Variants in SEC14L1 observed in about 807,000 individuals in gnomAD.
SEC14L1 encodes SEC14 like lipid binding 1.
Under a neutral mutation model 85.3 loss-of-function variants are expected in SEC14L1, and 48 were observed. That is an observed-to-expected ratio of 0.56 (90% CI 0.45 to 0.72). The LOEUF is 0.72. Among genes scored for constraint, SEC14L1 ranks in the 30% least tolerant of loss-of-function variants. The pLI is 0.00. For synonymous variants in SEC14L1, 391 were observed against 355.5 expected (o/e 1.10, Z -1.12); for missense variants, 682 against 921.4 (o/e 0.74, Z 3.36).
chr17:77,154,948 A>T (rs1474177148), intron 3 of SEC14L1, among the ~76,000 whole-genome samples: 1 of 151,910 alleles, frequency 6.6e-6, no homozygotes, highest in African/African-American at 2.4e-5. Flanking sequence ...TAAGGTGCGG[A>T]TGGATTGTTT....
intron 3 of SEC14L1, among the ~76,000 whole-genome samples, chr17:77,116,542 G>T (rs1010053114): frequency 1.3e-5 from 2 of 152,106 alleles, no homozygotes; most frequent in Non-Finnish European, 1.5e-5. Flanking sequence ...TTGGGAGGAG[G>T]CACCTGCTCC....
chr17:77,211,791 T>C (rs974978672), intron 14 of SEC14L1, 159 bp from the exon 15 acceptor site: 34 of 873,044 alleles, frequency 3.9e-5, no homozygotes, highest in Admixed American at 1.6e-4. Flanking sequence ...TGGATGGTGG[T>C]GTGTGACTCT....
At chr17:77,184,649 C>T (rs910968001) in intron 3 of SEC14L1, among the ~76,000 whole-genome samples, 1 of 152,302 alleles carries the variant, frequency 6.6e-6, no homozygotes, top group South Asian at 2.1e-4. Flanking sequence ...CTCGCCTTGA[C>T]CTTCCCTTGC....
At chr17:77,165,456 C>T (rs564700503) in intron 3 of SEC14L1, among the ~76,000 whole-genome samples, 23 of 152,190 alleles carry the variant, frequency 1.5e-4, no homozygotes, top group African/African-American at 5.5e-4. Flanking sequence ...GGGAGGGGGT[C>T]TCCAGGTCGC....
In SEC14L1 at chr17:77,214,954, T is replaced by C. The variant is rs1976965506; in HGVS notation, c.*931T>C. On this transcript the variant is annotated 3_prime_UTR_variant, in exon 17 of 17. Coordinates refer to ENST00000436233, the MANE Select transcript of SEC14L1 (RefSeq NM_001143998.2). ...AAGTCGCATTTGCCACTTGACACTG[T>C]CCATGGGGTTTTATTAGTAGCTAAG... The C allele has an allele frequency of 1.0e-6, 1 of 985,346 alleles. No individual in the cohort carries two copies. The highest frequency in any genetic ancestry group is 6.2e-5 in the Admixed American group (1 of 16,252). The allele number at this position is 985,346 out of a possible 1,614,324, so 61.0% of individuals were successfully genotyped here.
intron 14 of SEC14L1, chr17:77,211,187 C>T (rs1331584971): frequency 1.3e-5 from 2 of 152,346 alleles, no homozygotes; most frequent in Admixed American, 6.5e-5. Flanking sequence ...CGCTGAAGGG[C>T]ACAGCAGACA....
chr17:77,093,076 GC>G (rs1281112391), intron 2 of SEC14L1, among the ~76,000 whole-genome samples: 1 of 152,122 alleles, frequency 6.6e-6, no homozygotes, highest in Non-Finnish European at 1.5e-5. Context: ...ATGAGGGGTG[GC>G]TGGGGGCCCA....
At chr17:77,134,365 T>C (rs1972721661) in intron 3 of SEC14L1, among the ~76,000 whole-genome samples, 1 of 151,968 alleles carries the variant, frequency 6.6e-6, no homozygotes, top group African/African-American at 2.4e-5. Flanking sequence ...TCCTACTGGC[T>C]CAGCCTCCCA....
Position 77,200,586 on chromosome 17 carries a change from C to T in SEC14L1, c.922C>T (p.His308Tyr). The change falls in exon 9 of 17, where the codon CAT becomes TAT. Residue 308 changes from histidine to tyrosine, a missense_variant. Transcript: ENST00000436233. ...TCAGTCTTTGACGTGGAGAAAGCAG[C>T]ATCAGGTAGACTACATTCTTGAAAC... The part of the protein sequence containing the change: ...MCQSLTWRKQ[H>Y]QVDYILETWT... 1 of 1,614,060 alleles carries T rather than the reference C, an allele frequency of 6.2e-7. No homozygotes were observed. Among genetic ancestry groups the T allele is most frequent in the Non-Finnish European group, 8.5e-7 (1 of 1,179,926 alleles).
chr17:77,113,333 C>A (rs1972090209), intron 3 of SEC14L1, among the ~76,000 whole-genome samples: 1 of 152,134 alleles, frequency 6.6e-6, no homozygotes, highest in Non-Finnish European at 1.5e-5. Context: ...TCAGTGCCAC[C>A]TTGGCCCACA....
At chr17:77,196,178 A>G (rs1208535140) in intron 7 of SEC14L1, 24 bp from the exon 8 acceptor site, 1 of 1,569,942 alleles carries the variant, frequency 6.4e-7, no homozygotes, top group Admixed American at 1.7e-5. Flanking sequence ...TCTTTGTTGT[A>G]AATAAATGTC....
chr17:77,173,204 G>GGAA (rs1325345348), intron 3 of SEC14L1, among the ~76,000 whole-genome samples: 1 of 152,198 alleles, frequency 6.6e-6, no homozygotes, highest in East Asian at 1.9e-4. Context: ...TCCCTTAAGG[G>GGAA]GAAGAGAGTT....
At chr17:77,182,951 C>A (rs1271719654) in intron 3 of SEC14L1, among the ~76,000 whole-genome samples, 1 of 152,264 alleles carries the variant, frequency 6.6e-6, no homozygotes, top group Admixed American at 6.5e-5. Flanking sequence ...GGAGCCAGTG[C>A]TGAGGCCCCA....
chr17:77,104,430 CTT>C (rs111712879), intron 3 of SEC14L1, among the ~76,000 whole-genome samples: 3 of 135,964 alleles, frequency 2.2e-5, no homozygotes. Context: ...CTTGTGTTTA[CTT>C]TTTTTTTTTT....
rs1975522277 is a variant in SEC14L1, at chr17:77,191,286, A to G, written c.319A>G (p.Ile107Val). Residue 107 changes from isoleucine to valine, a missense_variant, in exon 5 of 17, where the codon ATC becomes GTC. Ile to Val is a conservative substitution (Grantham distance 29, BLOSUM62 3). Coordinates refer to ENST00000436233, the MANE Select transcript of SEC14L1 (RefSeq NM_001143998.2). ...TAATGAAACGTTTTCCAATCGGGTC[A>G]TCATTAATGAGCATTGCTGCTACAC... ...AYNETFSNRVIINEHCCYTVH... is the reference protein window; with the variant it reads ...AYNETFSNRVVINEHCCYTVH... 1 of 1,614,088 alleles carries G rather than the reference A, an allele frequency of 6.2e-7. No homozygotes were observed. The highest frequency in any genetic ancestry group is 1.7e-5 in the Admixed American group (1 of 60,012).
intron 3 of SEC14L1, among the ~76,000 whole-genome samples, chr17:77,154,034 A>G (rs573744544): frequency 2.0e-4 from 30 of 152,376 alleles, no homozygotes; most frequent in African/African-American, 7.0e-4. Flanking sequence ...CACAGATACA[A>G]CCAACCGTGG....
intron 3 of SEC14L1, among the ~76,000 whole-genome samples, chr17:77,184,877 C>T (rs749918735): frequency 5.3e-5 from 8 of 152,170 alleles, no homozygotes; most frequent in Non-Finnish European, 8.8e-5. Flanking sequence ...TGTAGAAACT[C>T]GCGTGGCTTG....
At position 77,215,727 on chromosome 17, in the gene SEC14L1, G is replaced by A; in HGVS notation, c.*1704G>A. On this transcript the variant is annotated 3_prime_UTR_variant, in exon 17 of 17. Coordinates refer to ENST00000436233, the MANE Select transcript of SEC14L1 (RefSeq NM_001143998.2). ...TCCGGAAAGCGCGGTAGGGTTCGTAGGTAGGGCTAGTAGGTAGGGTTAGTA... is the reference window on the plus strand; with the variant it reads ...TCCGGAAAGCGCGGTAGGGTTCGTAAGTAGGGCTAGTAGGTAGGGTTAGTA... 1 of 989,772 alleles carries A rather than the reference G, an allele frequency of 1.0e-6. No individual in the cohort carries two copies. The highest frequency in any genetic ancestry group is 4.4e-5 in the South Asian group (1 of 22,762). 61.3% of individuals were successfully genotyped at this position (989,772 alleles called of 1,614,324 possible).
At chr17:77,149,770 A>G (rs1973473577) in intron 3 of SEC14L1, among the ~76,000 whole-genome samples, 1 of 152,156 alleles carries the variant, frequency 6.6e-6, no homozygotes, top group African/African-American at 2.4e-5. Flanking sequence ...TTCTACATGG[A>G]ACAGAAGTAA....
Sources: allele counts gnomAD v4.1 joint callset (sites outside exome capture counted in the v4.1 genomes callset), GRCh38; gene constraint gnomAD v4.1.1; transcripts MANE v1.5; gene names NCBI Gene and HGNC (gene_info 2026-07-23, HGNC 2026-07-21).